N4BP2: variants seen among roughly 807,000 people sequenced by gnomAD.
The protein encoded by N4BP2 is NEDD4 binding protein 2.
Under a neutral mutation model 152.8 loss-of-function variants are expected in N4BP2, and 91 were observed. The observed-to-expected ratio is 0.60, with a 90% CI of 0.50 to 0.71. The LOEUF is 0.71. Among genes scored for constraint, N4BP2 ranks in the 30% least tolerant of loss-of-function variants. The probability of loss-of-function intolerance (pLI) is 0.00; values close to 1 mark genes in which losing one functional copy is unlikely to be tolerated. For missense variants in N4BP2, 1,923 were observed against 2,059.1 expected (o/e 0.93, Z 1.28); for synonymous variants, 646 against 705.3 (o/e 0.92, Z 1.33).
rs1201147243 is a variant in N4BP2 at position 40,134,924 on chromosome 4, TC to T, written c.4647-2019del. Among the ~76,000 whole-genome samples, 6 of 146,732 alleles carry T rather than the reference TC, an allele frequency of 4.1e-5. No individual in the cohort carries two copies. In the East Asian group the frequency reaches 5.9e-4, roughly 15 times the overall value. ...TCCTTTCTCTCTCTCTCTCTCTCTT[TC>T]TTTCTTTTTTATTTTATTTTATTTT... On this transcript the variant is annotated intron_variant, in intron 13 of 17. Transcript: ENST00000261435.
intron 1 of N4BP2, among the ~76,000 whole-genome samples, chr4:40,063,169 T>G (rs1733792270): frequency 6.6e-6 from 1 of 152,174 alleles, no homozygotes; most frequent in African/African-American, 2.4e-5. Context: ...TTTCTCTATT[T>G]TATTAGTTAG....
At chr4:40,072,493 C>T (rs1712303316) in intron 1 of N4BP2, among the ~76,000 whole-genome samples, 1 of 151,906 alleles carries the variant, frequency 6.6e-6, no homozygotes, top group East Asian at 1.9e-4. Context: ...ATCCACCCAC[C>T]TCGGCCTCCC....
At chr4:40,162,020 C>T (rs1157230411), downstream of N4BP2, among the ~76,000 whole-genome samples, 1 of 152,200 alleles carries the variant, frequency 6.6e-6, no homozygotes, top group African/African-American at 2.4e-5. Context: ...AAATAGTCTC[C>T]ATCATTTGCC....
intron 6 of N4BP2, 49 bp downstream of exon 6, chr4:40,112,221 T>C: frequency 1.0e-6 from 1 of 1,001,366 alleles, no homozygotes; most frequent in Non-Finnish European, 1.5e-6. Context: ...TATGCAATTA[T>C]TGGGGAACAT....
chr4:40,176,788 CTCGGGAAGT>C, the N4BP2 span, among the ~76,000 whole-genome samples: 1 of 152,220 alleles, frequency 6.6e-6, no homozygotes, highest in East Asian at 1.9e-4. Context: ...GAGGTGGAGC[CTCGGGAAGT>C]TCATGCTGTT....
chr4:40,147,578 G>C (rs1330355602), intron 16 of N4BP2, among the ~76,000 whole-genome samples: 3 of 149,078 alleles, frequency 2.0e-5, no homozygotes, highest in African/African-American at 7.5e-5. Flanking sequence ...CGGCTGGCCG[G>C]GTGGGGGCTG....
At chr4:40,088,688 C>T (rs1400381132) in intron 2 of N4BP2, among the ~76,000 whole-genome samples, 2 of 151,896 alleles carry the variant, frequency 1.3e-5, no homozygotes, top group African/African-American at 4.8e-5. Flanking sequence ...TTACTAGAAA[C>T]GGGGTTTCTC....
chr4:40,061,359 T>C (rs1004442010), intron 1 of N4BP2, among the ~76,000 whole-genome samples: 4 of 151,188 alleles, frequency 2.6e-5, no homozygotes, highest in African/African-American at 4.9e-5. Context: ...TATTTCATTT[T>C]ATTTATTTAT....
Position 40,121,236 on chromosome 4 carries a change from T to A in N4BP2, c.3125T>A (p.Leu1042Ter). The A allele has an allele frequency of 6.2e-7, 1 of 1,613,448 alleles. No individual in the cohort carries two copies. The highest frequency in any genetic ancestry group is 8.5e-7 in the Non-Finnish European group (1 of 1,179,854). ...KISISDSIKV[L>*]TGRLDGFKPK... ...AGCATTTCAGATTCTATCAAAGTAT[T>A]AACAGGAAGATTAGATGGATTTAAG... The change falls in exon 9 of 18, where the codon TTA becomes TAA. Residue 1042 changes from leucine to a stop codon, truncating the protein, a stop_gained. Transcript: ENST00000261435. LOFTEE classifies it high-confidence loss of function.
chr4:40,168,548 T>TTATA, the N4BP2 span, among the ~76,000 whole-genome samples: 139 of 151,184 alleles, frequency 9.2e-4, no homozygotes, highest in Middle Eastern at 3.4e-3. Context: ...CAGAAGATTG[T>TTATA]TATAAATATA....
chr4:40,120,040 A>C lies in N4BP2; in HGVS notation c.1929A>C (p.Glu643Asp). ...TEEKNLDVTK[E>D]TMLPENVAYL... ...AGAAGAATCTTGATGTAACCAAAGA[A>C]ACAATGTTACCTGAGAATGTTGCAT... Residue 643 changes from glutamate (E) to aspartate (D), a missense_variant, in exon 9 of 18, where the codon GAA becomes GAC. By Grantham distance (45) the Glu-to-Asp change is conservative. Transcript: ENST00000261435. The C allele has an allele frequency of 6.2e-7, 1 of 1,606,114 alleles. No individual in the cohort carries two copies. The highest frequency in any genetic ancestry group is 1.1e-5 in the South Asian group (1 of 90,776).
Position 40,154,429 on chromosome 4 carries a change from C to T in N4BP2, c.*192C>T, listed in dbSNP as rs1401150162. ...TTTACTGAATCAAATGCAAATGTTA[C>T]CTGTTAAAGATATTACAGAGAAATT... On this transcript the variant is annotated 3_prime_UTR_variant, in exon 18 of 18. Transcript: ENST00000261435. 2.1e-6 allele frequency: 1 copy of T among 477,330 alleles called. No individual in the cohort carries two copies. Among genetic ancestry groups the T allele is most frequent in the Non-Finnish European group, 3.7e-6 (1 of 273,932 alleles). 29.6% of individuals were successfully genotyped at this position (477,330 alleles called of 1,614,324 possible). A position where few individuals can be genotyped will look rare whatever the true frequency, so the allele number is the denominator to read the frequency against.
At chr4:40,126,679 C>T (rs1718440326) in intron 12 of N4BP2, among the ~76,000 whole-genome samples, 1 of 152,130 alleles carries the variant, frequency 6.6e-6, no homozygotes, top group Admixed American at 6.6e-5. Context: ...GATCACAGCT[C>T]ATGGAAGCCT....
chr4:40,057,788 C>T (rs1353752676), intron 1 of N4BP2, among the ~76,000 whole-genome samples: 2 of 151,862 alleles, frequency 1.3e-5, no homozygotes, highest in Non-Finnish European at 1.5e-5. Flanking sequence ...TTTTTTCCCT[C>T]CGAAAGAGAG....
intron 7 of N4BP2, 71 bp from the exon 8 acceptor site, chr4:40,117,798 A>C: frequency 1.5e-6 from 2 of 1,294,822 alleles, no homozygotes; most frequent in Non-Finnish European, 2.1e-6. Context: ...GTTTTCCTAG[A>C]CATATGTTCT....
the N4BP2 span, among the ~76,000 whole-genome samples, chr4:40,176,056 A>C: frequency 5.1e-3 from 760 of 150,016 alleles, 12 homozygotes; most frequent in African/African-American, 0.017. Context: ...GGCCACTGCA[A>C]TCCAGCCTGG....
At chr4:40,158,736 GAGCTCC>G (rs764367432), downstream of N4BP2, among the ~76,000 whole-genome samples, 88 of 151,750 alleles carry the variant, frequency 5.8e-4, 1 homozygote, top group Non-Finnish European at 1.0e-3. Context: ...TTGTGCCACT[GAGCTCC>G]AGCCTGGGCA....
rs189155936 is a variant in N4BP2 at position 40,086,968 on chromosome 4, C to T, written c.-114-10259C>T. On this transcript the variant is annotated intron_variant, in intron 2 of 17. Coordinates refer to ENST00000261435, the MANE Select transcript of N4BP2 (RefSeq NM_018177.6). ...CTCACTATGGTGCCCAGGCTGGTTT[C>T]GAACTCCTGGACTCAGGTGATCCTC... 5.7e-4 allele frequency among the ~76,000 whole-genome samples: 86 copies of T among 151,992 alleles called. 1 individual carries two copies. In the East Asian group the frequency reaches 7.4e-3, roughly 13 times the overall value.
At chr4:40,105,325 ATT>A (rs34758221) in intron 4 of N4BP2, among the ~76,000 whole-genome samples, 306 of 136,834 alleles carry the variant, frequency 2.2e-3, no homozygotes, top group African/African-American at 6.1e-3. Context: ...TGTAGTTACA[ATT>A]TTTTTTTTTT....
Sources: allele counts gnomAD v4.1 joint callset (sites outside exome capture counted in the v4.1 genomes callset), GRCh38; gene constraint gnomAD v4.1.1; transcripts MANE v1.5; gene names NCBI Gene and HGNC (gene_info 2026-07-23, HGNC 2026-07-21).